The following MTR variants were observed in gnomAD, a reference collection of about 807,000 sequenced individuals.
The protein encoded by MTR is 5-methyltetrahydrofolate-homocysteine methyltransferase.
A neutral mutation model predicts 154.8 loss-of-function variants in MTR; 84 were observed. The observed-to-expected ratio is 0.54, with a 90% CI of 0.45 to 0.65. MTR has a LOEUF of 0.65. Among genes scored for constraint, MTR ranks in the 30% least tolerant of loss-of-function variants. The pLI is 0.00. For missense variants in MTR, 1,275 were observed against 1,570.2 expected (o/e 0.81, Z 3.18); for synonymous variants, 554 against 553.9 (o/e 1.00, Z 0.00).
Position 236,826,852 on chromosome 1 carries a change from C to T in MTR, c.951C>T (p.Val317=). ...HLKDFAMDGL[V]NIVGGCCGST... The stretch of plus-strand genomic sequence containing the variant: ...AGGATTTTGCTATGGATGGCTTGGT[C>T]AATATAGTTGGAGGATGCTGTGGGT... The change falls in exon 11 of 33, where the codon GTC becomes GTT. Residue 317 remains valine, a synonymous_variant. Transcript: ENST00000366577. 6.2e-7 allele frequency: 1 copy of T among 1,613,984 alleles called. No individual in the cohort carries two copies. The highest frequency in any genetic ancestry group is 8.5e-7 in the Non-Finnish European group (1 of 1,179,974).
At chr1:236,825,288 T>C (rs769788899) in intron 9 of MTR, 50 bp from the exon 10 acceptor site, 1 of 1,276,830 alleles carries the variant, frequency 7.8e-7, no homozygotes, top group African/African-American at 1.5e-5. Flanking sequence ...AAAAATACAG[T>C]GTATATTTTT....
chr1:236,838,568 TG>T lies in MTR; in HGVS notation c.1486del (p.Val496TrpfsTer29). 1 of 1,614,150 alleles carries T rather than the reference TG, an allele frequency of 6.2e-7. No homozygotes were observed. The highest frequency in any genetic ancestry group is 1.3e-5 in the African/African-American group (1 of 75,044). On this transcript the variant is annotated frameshift_variant, in exon 15 of 33. Transcript: ENST00000366577. LOFTEE classifies it high-confidence loss of function. ...ARKIKKYGAA[M>X]VVMAFDEEGQ... ...AAGATTAAAAAGTATGGAGCTGCTA[TG>T]GTGGTCATGGCTTTTGATGAAGAAG...
At chr1:236,806,006 C>A in intron 2 of MTR, 138 bp from the exon 3 acceptor site, 1 of 737,970 alleles carries the variant, frequency 1.4e-6, no homozygotes, top group Non-Finnish European at 2.4e-6. Flanking sequence ...TGCATCTCTA[C>A]CTTCTAATGC....
intron 22 of MTR, among the ~76,000 whole-genome samples, chr1:236,872,687 G>A (rs570644186): frequency 6.6e-6 from 1 of 152,196 alleles, no homozygotes; most frequent in South Asian, 2.1e-4. Context: ...TTACTATGAG[G>A]GTTTAAATGA....
chr1:236,843,867 G>C (rs938369843), intron 15 of MTR, among the ~76,000 whole-genome samples: 1 of 152,310 alleles, frequency 6.6e-6, no homozygotes, highest in African/African-American at 2.4e-5. Flanking sequence ...GTTTGGGTTT[G>C]GACTTAGTAT....
intron 11 of MTR, among the ~76,000 whole-genome samples, 176 bp downstream of exon 11, chr1:236,827,072 C>T (rs774992994): frequency 6.6e-6 from 1 of 152,108 alleles, no homozygotes; most frequent in Non-Finnish European, 1.5e-5. Flanking sequence ...TTTAAAGAGG[C>T]GACTAAGGTA....
intron 13 of MTR, among the ~76,000 whole-genome samples, chr1:236,835,040 T>C (rs1662826558): frequency 6.6e-6 from 1 of 152,218 alleles, no homozygotes; most frequent in Non-Finnish European, 1.5e-5. Flanking sequence ...ATATAGTTTT[T>C]GGCAAATACT....
In MTR at chr1:236,795,356, C is replaced by G; in HGVS notation, c.-348C>G. On this transcript the variant is annotated 5_prime_UTR_variant, in exon 1 of 33. Coordinates refer to ENST00000366577, the MANE Select transcript of MTR (RefSeq NM_000254.3). Reference sequence around the variant, plus strand: ...GGCTCAGAGCCGGATGTCACGTCGTCCTCCTCTGCCGGTTTTCTCTTGGGT... The same window carrying G: ...GGCTCAGAGCCGGATGTCACGTCGTGCTCCTCTGCCGGTTTTCTCTTGGGT... 1 of 1,349,052 alleles carries G rather than the reference C, an allele frequency of 7.4e-7. No homozygotes were observed. The highest frequency in any genetic ancestry group is 9.7e-7 in the Non-Finnish European group (1 of 1,028,122). The allele number at this position is 1,349,052 out of a possible 1,614,324, so 83.6% of individuals were successfully genotyped here.
chr1:236,891,019 G>A, intron 28 of MTR, 114 bp from the exon 29 acceptor site: 2 of 1,225,714 alleles, frequency 1.6e-6, no homozygotes, highest in South Asian at 1.2e-5. Context: ...GAGGAAAATG[G>A]AGAAGCCTGA....
rs368087332 is a variant in MTR, at chr1:236,898,125, C to T, written c.*481C>T. 6.1e-5 allele frequency: 11 copies of T among 180,134 alleles called. No homozygotes were observed. The South Asian group carries it at 6.2e-4, about 10-fold the overall frequency. The allele number at this position is 180,134 out of a possible 1,614,324, so 11.2% of individuals were successfully genotyped here. A position where few individuals can be genotyped will look rare whatever the true frequency, so the allele number is the denominator to read the frequency against. On this transcript the variant is annotated 3_prime_UTR_variant, in exon 33 of 33. Transcript: ENST00000366577. ...AAGTGGTTATAACAGTGGATTCTGA[C>T]GGGGAAGGTGTAGCTCTGTTCTCTT...
In MTR at chr1:236,850,356, G is replaced by C. The variant is rs1663827329; in HGVS notation, c.1528G>C (p.Asp510His). Residue 510 changes from aspartate (D) to histidine (H), a missense_variant, in exon 16 of 33, where the codon GAC becomes CAC. Transcript: ENST00000366577. ...FDEEGQATETDTKIRVCTRAY... is the reference protein window; with the variant it reads ...FDEEGQATETHTKIRVCTRAY... Reference sequence around the variant, plus strand: ...CTCTTTTCCCTAGGCAACAGAAACAGACACAAAAATCAGAGTGTGCACCCG... The same window carrying C: ...CTCTTTTCCCTAGGCAACAGAAACACACACAAAAATCAGAGTGTGCACCCG... 6.2e-7 allele frequency: 1 copy of C among 1,612,720 alleles called. No individual in the cohort carries two copies. The highest frequency in any genetic ancestry group is 8.5e-7 in the Non-Finnish European group (1 of 1,179,348).
At chr1:236,811,607 A>G (rs912127714) in intron 5 of MTR, 8 of 456,098 alleles carry the variant, frequency 1.8e-5, no homozygotes, top group Admixed American at 7.0e-5. Flanking sequence ...AGTTGTTCAT[A>G]CCAGGCTTAT....
chr1:236,844,451 GGCGTGT>G (rs1663445422), intron 15 of MTR, among the ~76,000 whole-genome samples: 1 of 115,382 alleles, frequency 8.7e-6, no homozygotes, highest in African/African-American at 3.6e-5. Context: ...GTTCAGAAAG[GGCGTGT>G]GTGTGTGTGT....
chr1:236,894,653 A>G (rs374220136), intron 30 of MTR, 96 bp downstream of exon 30: 27 of 1,202,092 alleles, frequency 2.2e-5, no homozygotes, highest in Non-Finnish European at 2.8e-5. Context: ...CCTTAGAACC[A>G]GTGTCTTTTT....
chr1:236,895,610 A>G, intron 31 of MTR, 60 bp downstream of exon 31: 3 of 1,510,870 alleles, frequency 2.0e-6, no homozygotes, highest in Admixed American at 4.0e-5. Flanking sequence ...TCTTATCAGC[A>G]TACTGGCACT....
intron 15 of MTR, among the ~76,000 whole-genome samples, chr1:236,846,627 T>C (rs1663591216): frequency 6.6e-6 from 1 of 152,228 alleles, no homozygotes; most frequent in South Asian, 2.1e-4. Flanking sequence ...ACATGGCGTG[T>C]CTTTCAATTA....
chr1:236,871,262 C>T (rs1466241985), intron 22 of MTR, among the ~76,000 whole-genome samples: 1 of 152,018 alleles, frequency 6.6e-6, no homozygotes, highest in Admixed American at 6.6e-5. Context: ...AAAGGCTCCC[C>T]TGGTGATTCT....
At chr1:236,796,309 C>T (rs1660385172) in intron 1 of MTR, among the ~76,000 whole-genome samples, 1 of 152,184 alleles carries the variant, frequency 6.6e-6, no homozygotes. Flanking sequence ...GTAGTAATTT[C>T]AAGCGATTCT....
At position 236,861,263 on chromosome 1, in the gene MTR, A is replaced by G. The variant is rs759914760; in HGVS notation, c.2182A>G (p.Met728Val). The G allele has an allele frequency of 3.7e-6, 6 of 1,613,940 alleles. No individual in the cohort carries two copies. Among genetic ancestry groups the G allele is most frequent in the Admixed American group, 1.7e-5 (1 of 60,000 alleles). ...TGGTGATCTTTTTGGAGCTGGAAAA[A>G]TGTTTCTACCTCAGGTTAGCAAAAT... ...IVGDLFGAGK[M>V]FLPQVIKSAR... Residue 728 changes from methionine (M) to valine (V), a missense_variant, in exon 20 of 33, where the codon ATG (methionine) becomes GTG (valine). Met to Val is a conservative substitution (Grantham distance 21). Coordinates refer to ENST00000366577, the MANE Select transcript of MTR (RefSeq NM_000254.3).
Sources: gnomAD v4.1 joint callset for allele counts (sites outside exome capture counted in the v4.1 genomes callset) on GRCh38, gnomAD v4.1.1 for gene constraint, MANE v1.5 for transcripts, NCBI Gene and HGNC (gene_info 2026-07-23, HGNC 2026-07-21) for gene names.